CHSY3: variants seen among roughly 807,000 people sequenced by gnomAD.
CHSY3 encodes the protein chondroitin sulfate synthase 3, also known as N-acetylgalactosaminyl-proteoglycan 3-beta-glucuronosyltransferase 3.
CHSY3 carries 35 observed loss-of-function variants against 67.2 expected under a neutral mutation model. The observed-to-expected ratio is 0.52, with a 90% CI of 0.40 to 0.69. The LOEUF is 0.69. Among genes scored for constraint, CHSY3 ranks in the 30% least tolerant of loss-of-function variants. The pLI is 0.00. For missense variants in CHSY3, 1,069 were observed against 1,138.5 expected (o/e 0.94, Z 0.88); for synonymous variants, 474 against 434.7 (o/e 1.09, Z -1.12).
intron 2 of CHSY3, among the ~76,000 whole-genome samples, chr5:130,007,079 A>G (rs1361623146): frequency 6.6e-6 from 1 of 152,190 alleles, no homozygotes; most frequent in African/African-American, 2.4e-5. Context: ...ATACAATGAA[A>G]TTTTCAACAA....
chr5:130,005,903 A>G (rs1763860878), intron 2 of CHSY3, among the ~76,000 whole-genome samples: 1 of 152,162 alleles, frequency 6.6e-6, no homozygotes, highest in Non-Finnish European at 1.5e-5. Context: ...TATCTTCATT[A>G]TGCTATCAAT....
At position 130,186,383 on chromosome 5, in the gene CHSY3, T is replaced by C. The variant is rs2149740105; in HGVS notation, c.*592T>C. 1 of 150,738 alleles carries C rather than the reference T, an allele frequency of 6.6e-6. No homozygotes were observed. The highest frequency in any genetic ancestry group is 6.6e-5 in the Admixed American group (1 of 15,180). The allele number at this position is 150,738 out of a possible 1,614,324, so 9.3% of individuals were successfully genotyped here. ...AAAAAAAGTTTTAAAAATTGAGGAGTTTTGTTCCACAAGCAACCGGTACTG... is the reference window on the plus strand; with the variant it reads ...AAAAAAAGTTTTAAAAATTGAGGAGCTTTGTTCCACAAGCAACCGGTACTG... On this transcript the variant is annotated 3_prime_UTR_variant, in exon 3 of 3. Transcript: ENST00000305031.
At chr5:130,093,197 T>A (rs918788556) in intron 2 of CHSY3, among the ~76,000 whole-genome samples, 2 of 152,204 alleles carry the variant, frequency 1.3e-5, no homozygotes, top group East Asian at 1.9e-4. Context: ...TTCCTAGAAA[T>A]ACAAAGATGA....
chr5:130,123,701 A>G (rs567337706), intron 2 of CHSY3, among the ~76,000 whole-genome samples: 1 of 152,292 alleles, frequency 6.6e-6, no homozygotes, highest in Non-Finnish European at 1.5e-5. Flanking sequence ...ACAGAGACAC[A>G]ATCAGTGCCC....
At chr5:130,022,024 A>G (rs1258292321) in intron 2 of CHSY3, among the ~76,000 whole-genome samples, 1 of 152,052 alleles carries the variant, frequency 6.6e-6, no homozygotes. Context: ...GAATTAGGTC[A>G]TTTGCTGGGA....
chr5:129,990,153 C>A (rs1424521626), intron 2 of CHSY3, among the ~76,000 whole-genome samples: 1 of 151,858 alleles, frequency 6.6e-6, no homozygotes, highest in Non-Finnish European at 1.5e-5. Flanking sequence ...TGTATGTTTG[C>A]AAATCTAATT....
intron 2 of CHSY3, among the ~76,000 whole-genome samples, chr5:130,088,312 G>A (rs1766739660): frequency 6.7e-6 from 1 of 150,184 alleles, no homozygotes; most frequent in African/African-American, 2.5e-5. Context: ...GCATGGGCAA[G>A]GACTTCATGT....
At chr5:130,059,763 T>G (rs10491272) in intron 2 of CHSY3, among the ~76,000 whole-genome samples, 16,968 of 152,152 alleles carry the variant, frequency 0.11, 1,209 homozygotes, top group Middle Eastern at 0.26. Flanking sequence ...TTACCAAGTT[T>G]CAAAAGGTAT....
At chr5:130,013,889 A>G (rs1423903043) in intron 2 of CHSY3, among the ~76,000 whole-genome samples, 1 of 152,182 alleles carries the variant, frequency 6.6e-6, no homozygotes, top group East Asian at 1.9e-4. Context: ...TTTTTATCGC[A>G]TCATCAGGCG....
At chr5:130,162,967 A>G (rs1045302560) in intron 2 of CHSY3, among the ~76,000 whole-genome samples, 1 of 152,086 alleles carries the variant, frequency 6.6e-6, no homozygotes, top group Admixed American at 6.5e-5. Context: ...TTTGTCACCA[A>G]ACAAGCACTT....
rs1257109008 is a variant in CHSY3 at position 130,185,232 on chromosome 5, G to A, written c.2090G>A (p.Arg697Lys). The A allele has an allele frequency of 6.2e-7, 1 of 1,607,654 alleles. No individual in the cohort carries two copies. ...TLIPMKGEFSRGLGLEMASAQ... is the reference protein window; with the variant it reads ...TLIPMKGEFSKGLGLEMASAQ... ...ATCCCAATGAAGGGAGAGTTTTCCA[G>A]AGGTCTTGGTCTTGAAATGGCTTCT... The change falls in exon 3 of 3, where the codon AGA becomes AAA. Residue 697 changes from arginine to lysine, a missense_variant. By Grantham distance (26) the Arg-to-Lys change is conservative. Coordinates refer to ENST00000305031, the MANE Select transcript of CHSY3 (RefSeq NM_175856.5).
chr5:130,060,410 T>C (rs1765673084), intron 2 of CHSY3, among the ~76,000 whole-genome samples: 1 of 152,130 alleles, frequency 6.6e-6, no homozygotes, highest in South Asian at 2.1e-4. Flanking sequence ...AGACAGAGCA[T>C]ACCCCTAGAT....
chr5:130,086,392 G>A (rs1580719212), intron 2 of CHSY3, among the ~76,000 whole-genome samples: 2 of 151,894 alleles, frequency 1.3e-5, no homozygotes, highest in South Asian at 4.2e-4. Context: ...TTTGATCTTT[G>A]TTGGTTTAAA....
chr5:130,163,814 A>G (rs1273542904), intron 2 of CHSY3, among the ~76,000 whole-genome samples: 1 of 152,206 alleles, frequency 6.6e-6, no homozygotes, highest in Non-Finnish European at 1.5e-5. Context: ...GCATTATAGT[A>G]AACACCAAAC....
At chr5:129,959,091 A>G (rs866658211) in intron 2 of CHSY3, among the ~76,000 whole-genome samples, 1 of 152,040 alleles carries the variant, frequency 6.6e-6, no homozygotes, top group Non-Finnish European at 1.5e-5. Flanking sequence ...GTGAATTTGC[A>G]TATTCATATA....
chr5:130,044,417 G>C (rs564070222), intron 2 of CHSY3, among the ~76,000 whole-genome samples: 1 of 152,076 alleles, frequency 6.6e-6, no homozygotes, highest in African/African-American at 2.4e-5. Context: ...AAGTGTGGCA[G>C]ATACACATCA....
intron 2 of CHSY3, among the ~76,000 whole-genome samples, chr5:130,104,877 A>G (rs1767366845): frequency 6.6e-6 from 1 of 151,806 alleles, no homozygotes; most frequent in South Asian, 2.1e-4. Context: ...AATTAGTGGT[A>G]CAGTAAAATT....
At position 130,026,222 on chromosome 5, in the gene CHSY3, A is replaced by T. The variant is rs1349694013; in HGVS notation, c.1086+117862A>T. Reference sequence around the variant, plus strand: ...ACCATGGATTCCTTAGCAGTTTCTTATAGCATTCATAGATTGAAATGACTA... The same window carrying T: ...ACCATGGATTCCTTAGCAGTTTCTTTTAGCATTCATAGATTGAAATGACTA... On this transcript the variant is annotated intron_variant, in intron 2 of 2. Transcript: ENST00000305031. 2.6e-5 allele frequency among the ~76,000 whole-genome samples: 4 copies of T among 152,116 alleles called. No homozygotes were observed. In the East Asian group the frequency reaches 7.7e-4, roughly 29 times the overall value.
chr5:129,975,656 A>G (rs1762784611), intron 2 of CHSY3, among the ~76,000 whole-genome samples: 1 of 152,204 alleles, frequency 6.6e-6, no homozygotes, highest in Non-Finnish European at 1.5e-5. Flanking sequence ...TTCTGTGAAT[A>G]TTTGAATAAT....
Sources: gnomAD v4.1 joint callset for allele counts (sites outside exome capture counted in the v4.1 genomes callset) on GRCh38, gnomAD v4.1.1 for gene constraint, MANE v1.5 for transcripts, NCBI Gene and HGNC (gene_info 2026-07-23, HGNC 2026-07-21) for gene names.